Variants in TAFA4 observed in about 807,000 individuals in gnomAD.
TAFA4 encodes the protein TAFA chemokine like family member 4, also known as chemokine-like protein TAFA-4.
A neutral mutation model predicts 21.1 loss-of-function variants in TAFA4; 20 were observed. The observed-to-expected ratio is 0.95, with a 90% CI of 0.67 to 1.38. TAFA4 has a LOEUF of 1.38. TAFA4 is among the 40% of genes most tolerant of loss of function. The pLI, the probability that TAFA4 is intolerant of heterozygous loss-of-function variation, is 0.00. For missense variants in TAFA4, 211 were observed against 180.9 expected, an observed-to-expected ratio of 1.17 and a Z score of -0.95; for synonymous variants, 71 against 67.4, an observed-to-expected ratio of 1.05 and a Z score of -0.26.
chr3:68,759,143 A>C (rs1702714328), intron 3 of TAFA4, among the ~76,000 whole-genome samples: 1 of 152,224 alleles, frequency 6.6e-6, no homozygotes, highest in African/African-American at 2.4e-5. Context: ...GCTCAAAGGC[A>C]GTCAGGCAGG....
At chr3:68,865,642 G>C (rs1186990826) in intron 3 of TAFA4, among the ~76,000 whole-genome samples, 1 of 152,060 alleles carries the variant, frequency 6.6e-6, no homozygotes, top group Non-Finnish European at 1.5e-5. Context: ...CTTGGGTATT[G>C]CTTCATAGCA....
chr3:68,868,158 A>C (rs1461818120), intron 3 of TAFA4, among the ~76,000 whole-genome samples: 1 of 152,102 alleles, frequency 6.6e-6, no homozygotes, highest in African/African-American at 2.4e-5. Flanking sequence ...AAGGAAAGCT[A>C]TTCCATGCAA....
chr3:68,767,107 T>C (rs11924469), intron 3 of TAFA4, among the ~76,000 whole-genome samples: 13,480 of 152,216 alleles, frequency 0.089, 717 homozygotes, highest in African/African-American at 0.14. Flanking sequence ...GGTTTTTGGT[T>C]ACATGGATGA....
At chr3:68,878,923 G>C (rs1319958598) in intron 3 of TAFA4, among the ~76,000 whole-genome samples, 7 of 151,996 alleles carry the variant, frequency 4.6e-5, no homozygotes, top group Non-Finnish European at 1.0e-4. Flanking sequence ...CACACCTACC[G>C]TAACACCCAT....
At chr3:68,830,954 G>C (rs910526124) in intron 3 of TAFA4, among the ~76,000 whole-genome samples, 1 of 152,056 alleles carries the variant, frequency 6.6e-6, no homozygotes, top group Non-Finnish European at 1.5e-5. Flanking sequence ...GGCCTTCTTT[G>C]TCTCTTCTTA....
At chr3:68,889,086 G>A (rs2089705279) in intron 1 of TAFA4, among the ~76,000 whole-genome samples, 1 of 152,170 alleles carries the variant, frequency 6.6e-6, no homozygotes, top group Admixed American at 6.5e-5. Flanking sequence ...AAAGTCATGT[G>A]TTTTTAAAGA....
chr3:68,852,049 G>A (rs1300025407), intron 3 of TAFA4, among the ~76,000 whole-genome samples: 1 of 152,112 alleles, frequency 6.6e-6, no homozygotes, highest in Non-Finnish European at 1.5e-5. Flanking sequence ...TGATGCAAGT[G>A]GCCAAAGACC....
intron 1 of TAFA4, among the ~76,000 whole-genome samples, chr3:68,885,552 T>G (rs972468): frequency 0.02 from 3,119 of 152,254 alleles, 108 homozygotes; most frequent in African/African-American, 0.071. Context: ...GTAAAGAACT[T>G]TCTGCAGCAG....
At chr3:68,739,525 A>T (rs1052424682) in intron 4 of TAFA4, among the ~76,000 whole-genome samples, 1 of 152,292 alleles carries the variant, frequency 6.6e-6, no homozygotes, top group Admixed American at 6.5e-5. Flanking sequence ...GAATCCAGCA[A>T]TCCCACCCCT....
At chr3:68,914,053 G>A (rs901710861) in intron 1 of TAFA4, among the ~76,000 whole-genome samples, 2 of 152,132 alleles carry the variant, frequency 1.3e-5, no homozygotes, top group Non-Finnish European at 2.9e-5. Context: ...AAAAATGAGT[G>A]CTTACATCTG....
intron 3 of TAFA4, among the ~76,000 whole-genome samples, chr3:68,798,658 G>T (rs1052318873): frequency 6.6e-6 from 1 of 152,096 alleles, no homozygotes; most frequent in Non-Finnish European, 1.5e-5. Context: ...AACAGCTTGG[G>T]ATATAATTCA....
intron 3 of TAFA4, among the ~76,000 whole-genome samples, chr3:68,848,405 T>G (rs1007681141): frequency 2.6e-5 from 4 of 152,220 alleles, no homozygotes; most frequent in African/African-American, 9.7e-5. Flanking sequence ...CTTGCTTTCA[T>G]TTTTTAGTTC....
chr3:68,766,580 A>G (rs959904314), intron 3 of TAFA4, among the ~76,000 whole-genome samples: 7 of 152,144 alleles, frequency 4.6e-5, no homozygotes, highest in African/African-American at 1.7e-4. Context: ...TTCCAAAAGC[A>G]AAGATAAAGA....
At chr3:68,847,509 G>A (rs1313821588) in intron 3 of TAFA4, among the ~76,000 whole-genome samples, 3 of 152,210 alleles carry the variant, frequency 2.0e-5, no homozygotes, top group Non-Finnish European at 4.4e-5. Flanking sequence ...CCAGGGTAGT[G>A]AATGGTTCTC....
At chr3:68,928,651 G>A (rs1426421073) in intron 1 of TAFA4, among the ~76,000 whole-genome samples, 1 of 152,160 alleles carries the variant, frequency 6.6e-6, no homozygotes, top group Non-Finnish European at 1.5e-5. Flanking sequence ...GGTGTATACA[G>A]CTGTCCAATC....
At chr3:68,795,133 A>G (rs1020304516) in intron 3 of TAFA4, among the ~76,000 whole-genome samples, 1 of 151,790 alleles carries the variant, frequency 6.6e-6, no homozygotes, top group Non-Finnish European at 1.5e-5. Context: ...AGTTATTCAG[A>G]TAAATTAGAG....
intron 3 of TAFA4, among the ~76,000 whole-genome samples, chr3:68,788,032 G>C (rs1456810431): frequency 6.6e-6 from 1 of 152,196 alleles, no homozygotes; most frequent in Non-Finnish European, 1.5e-5. Context: ...TTCTGTAAGA[G>C]GTAAGACTAG....
rs112067554 is a variant in TAFA4 at position 68,913,367 on chromosome 3, G to A, written c.-123+18873C>T. On this transcript the variant is annotated intron_variant, in intron 1 of 5. Coordinates refer to ENST00000295569, the MANE Select transcript of TAFA4 (RefSeq NM_182522.5). Reference sequence around the variant, plus strand: ...TGACTCCAGAGCCAGTTTTCTAAAGGCCACCCAGTTCCACCTCCTTGTATA... The same window carrying A: ...TGACTCCAGAGCCAGTTTTCTAAAGACCACCCAGTTCCACCTCCTTGTATA... 1.2e-4 allele frequency among the ~76,000 whole-genome samples: 19 copies of A among 152,222 alleles called. 1 individual carries two copies. Among genetic ancestry groups the A allele is most frequent in the African/African-American group, 4.6e-4 (19 of 41,534 alleles).
chr3:68,914,416 A>G (rs1191218011), intron 1 of TAFA4, among the ~76,000 whole-genome samples: 2 of 152,234 alleles, frequency 1.3e-5, no homozygotes, highest in Non-Finnish European at 2.9e-5. Flanking sequence ...CTATGTGAAC[A>G]TTCACTAAGC....
Sources: allele counts gnomAD v4.1 joint callset (sites outside exome capture counted in the v4.1 genomes callset), GRCh38; gene constraint gnomAD v4.1.1; transcripts MANE v1.5; gene names NCBI Gene and HGNC (gene_info 2026-07-23, HGNC 2026-07-21).